XYLT1: variants seen among roughly 807,000 people sequenced by gnomAD.
XYLT1 encodes the protein xylosyltransferase 1, also known as beta-D-xylosyltransferase 1.
A neutral mutation model predicts 91.3 loss-of-function variants in XYLT1; 36 were observed. That is an observed-to-expected ratio of 0.39 (90% CI 0.30 to 0.52). The LOEUF (loss-of-function observed/expected upper bound fraction) is 0.52. Ranked by LOEUF, XYLT1 falls within the 20% of genes least tolerant of loss-of-function variation. The probability of loss-of-function intolerance (pLI) is 0.68; values close to 1 mark genes in which losing one functional copy is unlikely to be tolerated. For synonymous variants in XYLT1, 588 were observed against 532.0 expected, an observed-to-expected ratio of 1.11 and a Z score of -1.45; for missense variants, 1,242 against 1,284.5, an observed-to-expected ratio of 0.97 and a Z score of 0.51.
intron 5 of XYLT1, among the ~76,000 whole-genome samples, chr16:17,167,012 C>A (rs1216651149): frequency 6.6e-6 from 1 of 152,192 alleles, no homozygotes; most frequent in Non-Finnish European, 1.5e-5. Flanking sequence ...AAGTGCTCGT[C>A]CTCCTTAATT....
chr16:17,245,917 C>A (rs1023974973), intron 3 of XYLT1, among the ~76,000 whole-genome samples: 1 of 152,204 alleles, frequency 6.6e-6, no homozygotes, highest in African/African-American at 2.4e-5. Flanking sequence ...AAGTCCTTAG[C>A]GTCTTGGATG....
At chr16:17,121,342 G>A (rs1445705375) in intron 10 of XYLT1, among the ~76,000 whole-genome samples, 7 of 152,200 alleles carry the variant, frequency 4.6e-5, no homozygotes, top group Middle Eastern at 3.4e-3. Flanking sequence ...TTTTTCAACC[G>A]AGGAGCGTGA....
At chr16:17,210,619 C>G (rs2032739786) in intron 3 of XYLT1, among the ~76,000 whole-genome samples, 1 of 151,726 alleles carries the variant, frequency 6.6e-6, no homozygotes, top group African/African-American at 2.4e-5. Flanking sequence ...CCTATGTTGC[C>G]CAGGTTGGTC....
chr16:17,303,522 C>A (rs1258371095), intron 2 of XYLT1, among the ~76,000 whole-genome samples: 1 of 152,200 alleles, frequency 6.6e-6, no homozygotes, highest in African/African-American at 2.4e-5. Context: ...CATGTTGATG[C>A]CCCCGTGAGT....
At chr16:17,401,305 G>T (rs1048081719) in intron 1 of XYLT1, among the ~76,000 whole-genome samples, 1 of 152,136 alleles carries the variant, frequency 6.6e-6, no homozygotes, top group African/African-American at 2.4e-5. Context: ...AGCCACCCGG[G>T]GTGGGAGAGT....
intron 9 of XYLT1, among the ~76,000 whole-genome samples, chr16:17,131,499 C>G (rs538826909): frequency 9.9e-5 from 15 of 152,208 alleles, no homozygotes; most frequent in Admixed American, 6.5e-5. Flanking sequence ...CCTCCAGGTT[C>G]CCATGGTCAG....
intron 5 of XYLT1, among the ~76,000 whole-genome samples, chr16:17,180,963 G>A (rs1426621695): frequency 6.6e-6 from 1 of 152,200 alleles, no homozygotes; most frequent in Admixed American, 6.5e-5. Context: ...GAGGGTCAGA[G>A]GCAGGCCACT....
intron 2 of XYLT1, among the ~76,000 whole-genome samples, chr16:17,328,647 T>G (rs1447705991): frequency 1.3e-5 from 2 of 151,596 alleles, no homozygotes; most frequent in East Asian, 3.9e-4. Flanking sequence ...AGAGGCAGAT[T>G]TTTATTTTTT....
chr16:17,184,390 T>C (rs1222640360), intron 5 of XYLT1, among the ~76,000 whole-genome samples: 1 of 152,040 alleles, frequency 6.6e-6, no homozygotes, highest in Non-Finnish European at 1.5e-5. Flanking sequence ...CTGGTGAGAA[T>C]ATCAAATTGG....
At chr16:17,161,219 G>T (rs1349196718) in intron 5 of XYLT1, among the ~76,000 whole-genome samples, 1 of 152,206 alleles carries the variant, frequency 6.6e-6, no homozygotes, top group Non-Finnish European at 1.5e-5. Context: ...CCATCTGACG[G>T]GGATGAATAG....
At chr16:17,309,073 C>T (rs771850776) in intron 2 of XYLT1, among the ~76,000 whole-genome samples, 2 of 152,132 alleles carry the variant, frequency 1.3e-5, no homozygotes, top group Non-Finnish European at 2.9e-5. Context: ...AGATATGCGC[C>T]TAATGCAAAG....
chr16:17,259,598 G>C, intron 2 of XYLT1, 100 bp from the exon 3 acceptor site: 1 of 1,414,218 alleles, frequency 7.1e-7, no homozygotes, highest in Non-Finnish European at 9.5e-7. Flanking sequence ...TGGAAGCCGG[G>C]GCCATAGTTT....
intron 1 of XYLT1, among the ~76,000 whole-genome samples, chr16:17,405,417 G>A (rs1596528780): frequency 6.6e-6 from 1 of 152,302 alleles, no homozygotes; most frequent in Admixed American, 6.5e-5. Context: ...GGCCGGAGCG[G>A]CTGACTTTCC....
At chr16:17,466,521 GAATCAAACTTGAAC>G (rs1313990170) in intron 1 of XYLT1, among the ~76,000 whole-genome samples, 1 of 152,184 alleles carries the variant, frequency 6.6e-6, no homozygotes, top group African/African-American at 2.4e-5. Context: ...TTAAAACCAT[GAATCAAACTTGAAC>G]AGTCACCAGT....
intron 2 of XYLT1, among the ~76,000 whole-genome samples, chr16:17,356,914 T>C (rs57130516): frequency 0.063 from 9,595 of 152,034 alleles, 602 homozygotes; most frequent in African/African-American, 0.17. Context: ...CAGTGGCTCA[T>C]GCCTGTAATC....
intron 9 of XYLT1, among the ~76,000 whole-genome samples, chr16:17,129,354 T>C (rs554151489): frequency 5.9e-5 from 9 of 152,082 alleles, no homozygotes; most frequent in Non-Finnish European, 8.8e-5. Context: ...CTCCGCCTCC[T>C]GGGTTCAAGC....
At position 17,458,731 on chromosome 16, in the gene XYLT1, A is replaced by T. The variant is rs139745035; in HGVS notation, c.363+11703T>A. 4.3e-3 allele frequency among the ~76,000 whole-genome samples: 661 copies of T among 152,138 alleles called. 8 individuals are homozygous for T. Among genetic ancestry groups the T allele is most frequent in the African/African-American group, 0.016 (650 of 41,500 alleles). Reference sequence around the variant, plus strand: ...CAATCAGGATTTGAAATCCAGTTAGAGTTTGCTTATGTGTTTTCATTTTGT... The same window carrying T: ...CAATCAGGATTTGAAATCCAGTTAGTGTTTGCTTATGTGTTTTCATTTTGT... On this transcript the variant is annotated intron_variant, in intron 1 of 11. Coordinates refer to ENST00000261381, the MANE Select transcript of XYLT1 (RefSeq NM_022166.4).
intron 1 of XYLT1, among the ~76,000 whole-genome samples, chr16:17,466,548 A>G (rs1413483730): frequency 6.6e-6 from 1 of 152,246 alleles, no homozygotes; most frequent in Non-Finnish European, 1.5e-5. Flanking sequence ...TCACCAGTAA[A>G]TAAGAACTTA....
chr16:17,121,182 A>G (rs2030042840), intron 10 of XYLT1, among the ~76,000 whole-genome samples: 1 of 152,186 alleles, frequency 6.6e-6, no homozygotes, highest in African/African-American at 2.4e-5. Context: ...GTGATTTTTC[A>G]CCAGTTAGGG....
Sources: gnomAD v4.1 joint callset for allele counts (sites outside exome capture counted in the v4.1 genomes callset) on GRCh38, gnomAD v4.1.1 for gene constraint, MANE v1.5 for transcripts, NCBI Gene and HGNC (gene_info 2026-07-23, HGNC 2026-07-21) for gene names.